Variants in SOX6 observed in about 807,000 individuals in gnomAD.
SOX6 encodes SRY-box transcription factor 6, also known as transcription factor SOX-6.
Under a neutral mutation model 97.8 loss-of-function variants are expected in SOX6, and 11 were observed. That is an observed-to-expected ratio of 0.11 (90% CI 0.07 to 0.19). The LOEUF is 0.19. Ranked by LOEUF, SOX6 falls within the 10% of genes least tolerant of loss-of-function variation. The probability of loss-of-function intolerance (pLI) is 1.00; values close to 1 mark genes in which losing one functional copy is unlikely to be tolerated. For synonymous variants in SOX6, 360 were observed against 371.4 expected, an observed-to-expected ratio of 0.97 and a Z score of 0.35; for missense variants, 810 against 1,039.5, an observed-to-expected ratio of 0.78 and a Z score of 3.04.
chr11:16,695,229 C>T (rs558113743), intron 3 of SOX6, among the ~76,000 whole-genome samples: 1 of 152,330 alleles, frequency 6.6e-6, no homozygotes, highest in South Asian at 2.1e-4. Context: ...AGCTCCCATA[C>T]ACTGCTGTAC....
chr11:16,653,939 T>A (rs1847688666), intron 3 of SOX6, among the ~76,000 whole-genome samples: 1 of 151,780 alleles, frequency 6.6e-6, no homozygotes, highest in Non-Finnish European at 1.5e-5. Flanking sequence ...AAACACAAAA[T>A]ATGAATTTAA....
chr11:16,277,628 G>T lies in SOX6; in HGVS notation c.445+40818C>A, dbSNP rs116321191. Reference sequence around the variant, plus strand: ...CTTAACAAAAGATAAATCTTCATAGGCTACTAACCTTCCATTTACCCCTCA... The same window carrying T: ...CTTAACAAAAGATAAATCTTCATAGTCTACTAACCTTCCATTTACCCCTCA... On this transcript the variant is annotated intron_variant, in intron 3 of 15. Transcript: ENST00000683767. 8.6e-3 allele frequency among the ~76,000 whole-genome samples: 1,310 copies of T among 152,256 alleles called. 24 individuals are homozygous for T. The highest frequency in any genetic ancestry group is 0.03 in the African/African-American group (1,227 of 41,540).
chr11:16,029,604 C>CT (rs1456058428), intron 12 of SOX6, among the ~76,000 whole-genome samples: 1 of 151,002 alleles, frequency 6.6e-6, no homozygotes, highest in East Asian at 2.0e-4. Flanking sequence ...CCACTGAACT[C>CT]TAGCCTGGGC....
At chr11:16,132,542 T>C (rs541992761) in intron 6 of SOX6, among the ~76,000 whole-genome samples, 7 of 151,330 alleles carry the variant, frequency 4.6e-5, no homozygotes, top group South Asian at 2.1e-4. Flanking sequence ...ATTGGCATGA[T>C]AAAGGTTTTT....
At chr11:16,138,938 T>C (rs1411915360) in intron 6 of SOX6, among the ~76,000 whole-genome samples, 2 of 152,216 alleles carry the variant, frequency 1.3e-5, no homozygotes, top group East Asian at 1.9e-4. Flanking sequence ...ATTTTCTTAA[T>C]CCAGTCTATC....
chr11:16,135,224 A>G (rs1180351687), intron 6 of SOX6, among the ~76,000 whole-genome samples: 2 of 152,202 alleles, frequency 1.3e-5, no homozygotes, highest in Non-Finnish European at 2.9e-5. Context: ...AAGAACTCTG[A>G]TGGAGATACA....
chr11:16,110,272 C>T (rs1363362383), intron 7 of SOX6: 1 of 151,876 alleles, frequency 6.6e-6, no homozygotes, highest in African/African-American at 2.4e-5. Context: ...GGGACTGGTA[C>T]AGGGGTGTCA....
Position 16,186,837 on chromosome 11 carries a change from T to A in SOX6, c.654A>T (p.Ser218=). 6.2e-7 allele frequency: 1 copy of A among 1,613,836 alleles called. No individual in the cohort carries two copies. Among genetic ancestry groups the A allele is most frequent in the Non-Finnish European group, 8.5e-7 (1 of 1,179,846 alleles). ...AHDEQKKLAA[S]QIEKQRQQMD... The stretch of plus-strand genomic sequence containing the variant: ...TTTGCTGCCGTTGTTTCTCAATTTG[T>A]GACGCTGCCAGTTTTTTCTGTTCAT... The change falls in exon 5 of 16, where the codon TCA becomes TCT. Residue 218 remains serine, a synonymous_variant. Coordinates refer to ENST00000683767, the MANE Select transcript of SOX6 (RefSeq NM_001367873.1).
chr11:16,632,303 G>C (rs1565198749), intron 3 of SOX6, among the ~76,000 whole-genome samples: 1 of 151,830 alleles, frequency 6.6e-6, no homozygotes, highest in Non-Finnish European at 1.5e-5. Flanking sequence ...TTCCCCCAAG[G>C]TCTGCTGGCT....
chr11:16,297,389 G>A (rs115162724), intron 3 of SOX6, among the ~76,000 whole-genome samples: 58 of 152,136 alleles, frequency 3.8e-4, no homozygotes, highest in African/African-American at 1.3e-3. Context: ...ACAAGTGTTC[G>A]GTAATATTTT....
chr11:16,497,089 C>G (rs1375707063), intron 4 of SOX6, among the ~76,000 whole-genome samples: 1 of 152,156 alleles, frequency 6.6e-6, no homozygotes, highest in East Asian at 1.9e-4. Context: ...ACTGACACCT[C>G]AAACGGCTGG....
chr11:16,602,808 G>A (rs1406480776), intron 4 of SOX6, among the ~76,000 whole-genome samples: 2 of 152,084 alleles, frequency 1.3e-5, no homozygotes, highest in Non-Finnish European at 1.5e-5. Context: ...GATCACCTGA[G>A]GTCAGGAGTT....
chr11:16,666,676 A>G lies in SOX6; in HGVS notation n.429+48154T>C, dbSNP rs375047772. ...AAAAATTAGCTAGGCAGGTGCCTAT[A>G]ATCCCAGCTATTCAGGAGGCTGAGG... On this transcript the variant is annotated intron_variant and non_coding_transcript_variant, in intron 3 of 5. Coordinates refer to the SOX6 transcript ENST00000524520. 1.3e-4 allele frequency among the ~76,000 whole-genome samples: 20 copies of G among 152,194 alleles called. 1 individual carries two copies. The highest frequency in any genetic ancestry group is 5.8e-4 in the East Asian group (3 of 5,190).
rs115498551 is a variant in SOX6, at chr11:16,697,966, G to A, written n.429+16864C>T. Among the ~76,000 whole-genome samples the A allele has an allele frequency of 7.2e-3, 1,092 of 152,296 alleles. 15 individuals carry two copies. The highest frequency in any genetic ancestry group is 0.024 in the African/African-American group (980 of 41,574). On this transcript the variant is annotated intron_variant and non_coding_transcript_variant, in intron 3 of 5. Transcript: ENST00000524520. ...TTGTCATTTCATTTATAGAGCAAAG[G>A]CAGAGTAGATTTAGCATAATTCTTA...
chr11:16,302,178 A>G (rs1361603083), intron 3 of SOX6, among the ~76,000 whole-genome samples: 1 of 152,146 alleles, frequency 6.6e-6, no homozygotes, highest in African/African-American at 2.4e-5. Context: ...CCTCTTTCCA[A>G]CTGATAGTCA....
chr11:16,728,282 G>A (rs1848322819), intron 2 of SOX6, among the ~76,000 whole-genome samples: 2 of 152,182 alleles, frequency 1.3e-5, no homozygotes, highest in South Asian at 4.1e-4. Context: ...CCTCTTGACT[G>A]GGAGACAGCT....
At chr11:16,505,222 G>T (rs1860766490) in intron 4 of SOX6, among the ~76,000 whole-genome samples, 3 of 152,218 alleles carry the variant, frequency 2.0e-5, no homozygotes, top group Non-Finnish European at 2.9e-5. Context: ...GTGAAGTCCA[G>T]GCTGAGGTGG....
At chr11:16,247,504 C>T (rs1043987615) in intron 3 of SOX6, among the ~76,000 whole-genome samples, 2 of 152,050 alleles carry the variant, frequency 1.3e-5, no homozygotes, top group Non-Finnish European at 2.9e-5. Flanking sequence ...TTCTGCAGGG[C>T]TGGGGAGGCC....
chr11:16,141,234 T>C (rs1055637010), intron 6 of SOX6, among the ~76,000 whole-genome samples: 2 of 152,158 alleles, frequency 1.3e-5, no homozygotes, highest in African/African-American at 4.8e-5. Flanking sequence ...TTAAAAACAC[T>C]ATCATGAGGA....
Sources: gnomAD v4.1 joint callset for allele counts (sites outside exome capture counted in the v4.1 genomes callset) on GRCh38, gnomAD v4.1.1 for gene constraint, MANE v1.5 for transcripts, NCBI Gene and HGNC (gene_info 2026-07-23, HGNC 2026-07-21) for gene names.